Variants in TESMIN observed in about 807,000 individuals in gnomAD.
The protein encoded by TESMIN is CXC domain containing 2.
Under a neutral mutation model 47.4 loss-of-function variants are expected in TESMIN, and 34 were observed. That is an observed-to-expected ratio of 0.72 (90% CI 0.55 to 0.96). The LOEUF (loss-of-function observed/expected upper bound fraction) is 0.96, where lower values mean the gene tolerates loss of function less well. TESMIN is among the 40% of genes least tolerant of loss of function. The pLI is 0.00. For missense variants in TESMIN, 610 were observed against 637.2 expected, an observed-to-expected ratio of 0.96 and a Z score of 0.46; for synonymous variants, 278 against 258.9, an observed-to-expected ratio of 1.07 and a Z score of -0.71.
At position 68,742,341 on chromosome 11, in the gene TESMIN, T is replaced by G; in HGVS notation, c.805A>C (p.Lys269Gln). ...ACTTGTTGTGTAATGAGATTTAATT[T>G]TGTTGATGCTGGCAAAAATCTCCCT... ...LVGRFLPAST[K>Q]LNLITQQLEG... The change falls in exon 5 of 10, where the codon AAA becomes CAA. Residue 269 changes from lysine to glutamine, a missense_variant. Lys to Gln is a moderately conservative substitution (Grantham distance 53). Transcript: ENST00000255087. The G allele has an allele frequency of 6.2e-7, 1 of 1,601,220 alleles. No individual in the cohort carries two copies. Among genetic ancestry groups the G allele is most frequent in the South Asian group, 1.1e-5 (1 of 89,504 alleles).
At chr11:68,720,195 ACTT>A (rs1946189061) in intron 6 of TESMIN, among the ~76,000 whole-genome samples, 1 of 152,068 alleles carries the variant, frequency 6.6e-6, no homozygotes, top group Admixed American at 6.6e-5. Context: ...GGCTAGGCAC[ACTT>A]CTTTTTTTCA....
At chr11:68,709,978 C>T (rs930395589) in intron 9 of TESMIN, among the ~76,000 whole-genome samples, 3 of 152,102 alleles carry the variant, frequency 2.0e-5, no homozygotes, top group South Asian at 2.1e-4. Flanking sequence ...ACCAATATGG[C>T]GAGACCCCAT....
At chr11:68,705,679 A>G (rs903885844), downstream of TESMIN, among the ~76,000 whole-genome samples, 7 of 152,242 alleles carry the variant, frequency 4.6e-5, no homozygotes, top group African/African-American at 1.4e-4. Context: ...CAGATAATCT[A>G]ACCTTAATCA....
chr11:68,739,894 T>A (rs983662004), intron 5 of TESMIN, among the ~76,000 whole-genome samples: 13 of 152,204 alleles, frequency 8.5e-5, no homozygotes, highest in Non-Finnish European at 1.9e-4. Flanking sequence ...GGAGAAAGGA[T>A]GTCATAGTTC....
intron 4 of TESMIN, 55 bp from the exon 5 acceptor site, chr11:68,742,449 TAC>T (rs1176222702): frequency 1.5e-5 from 17 of 1,157,654 alleles, no homozygotes; most frequent in Non-Finnish European, 1.9e-5. Context: ...CTCTTCCACT[TAC>T]ACGTGGATGA....
intron 5 of TESMIN, among the ~76,000 whole-genome samples, chr11:68,741,067 C>A (rs1022497945): frequency 1.3e-5 from 2 of 152,128 alleles, no homozygotes; most frequent in African/African-American, 4.8e-5. Context: ...CAAAGTATCC[C>A]TAGAAGCTAT....
rs976170338 is a variant in TESMIN, at chr11:68,715,751, T to C, written c.1020+86A>G. On this transcript the variant is annotated intron_variant, in intron 7 of 9. Coordinates refer to ENST00000255087, the MANE Select transcript of TESMIN (RefSeq NM_004923.3). ...CTTCAAAACTGTGGGTTTTTTCCAA[T>C]GAGGAATCTCTGAAGGTGATTTTAT... 8.2e-6 allele frequency: 8 copies of C among 979,964 alleles called. No homozygotes were observed. In the African/African-American group the frequency reaches 9.8e-5, roughly 12 times the overall value. 60.7% of individuals were successfully genotyped at this position (979,964 alleles called of 1,614,324 possible).
intron 7 of TESMIN, among the ~76,000 whole-genome samples, 172 bp from the exon 8 acceptor site, chr11:68,713,579 T>C (rs1041696276): frequency 2.0e-5 from 3 of 152,216 alleles, no homozygotes; most frequent in African/African-American, 7.2e-5. Flanking sequence ...TTTGTTTCCA[T>C]ACACAAAAAG....
intron 4 of TESMIN, among the ~76,000 whole-genome samples, chr11:68,743,021 G>A (rs1378919767): frequency 6.6e-6 from 1 of 151,970 alleles, no homozygotes; most frequent in Non-Finnish European, 1.5e-5. Context: ...GAGACTACAG[G>A]CCTGTGCCAC....
intron 6 of TESMIN, among the ~76,000 whole-genome samples, chr11:68,735,150 T>C (rs1946372632): frequency 6.6e-6 from 1 of 152,236 alleles, no homozygotes; most frequent in Non-Finnish European, 1.5e-5. Flanking sequence ...TTACAGCTTT[T>C]TGCCCTCATG....
chr11:68,730,565 C>T (rs560276255), intron 6 of TESMIN, among the ~76,000 whole-genome samples: 19 of 152,238 alleles, frequency 1.2e-4, no homozygotes, highest in African/African-American at 4.1e-4. Flanking sequence ...GATGCCATGG[C>T]GGGCAGATCA....
chr11:68,738,439 C>T (rs1946413676), intron 6 of TESMIN: 1 of 1,229,690 alleles, frequency 8.1e-7, no homozygotes, highest in Non-Finnish European at 1.0e-6. Context: ...GCCTCAGAAA[C>T]ACCAACATAG....
At chr11:68,750,165 T>C in intron 2 of TESMIN, 25 bp downstream of exon 2, 1 of 1,438,378 alleles carries the variant, frequency 7.0e-7, no homozygotes, top group Non-Finnish European at 9.1e-7. Context: ...GGGGGAGCTG[T>C]GCCCATTCCC....
rs1466882382 is a variant in TESMIN at position 68,750,420 on chromosome 11, C to T, written c.241G>A (p.Ala81Thr). 6.5e-7 allele frequency: 1 copy of T among 1,545,172 alleles called. No homozygotes were observed. The highest frequency in any genetic ancestry group is 2.4e-5 in the East Asian group (1 of 41,354). The change falls in exon 2 of 10, where the codon GCG (alanine) becomes ACG (threonine). Residue 81 changes from alanine (A) to threonine (T), a missense_variant. Physicochemically the swap from Ala to Thr is moderately conservative, Grantham distance 58. Coordinates refer to ENST00000255087, the MANE Select transcript of TESMIN (RefSeq NM_004923.3). Reference sequence around the variant, plus strand: ...TCGCTGTCGCCCCCCGCGAGCTTCGCCTTGACCTGGCCCTTGCAGTCGGCG... The same window carrying T: ...TCGCTGTCGCCCCCCGCGAGCTTCGTCTTGACCTGGCCCTTGCAGTCGGCG... ...LGADCKGQVK[A>T]KLAGGDSDGG... is the part of the protein sequence containing the mutation.
intron 6 of TESMIN, among the ~76,000 whole-genome samples, chr11:68,735,366 G>A (rs1298984499): frequency 3.3e-5 from 5 of 152,200 alleles, no homozygotes; most frequent in African/African-American, 9.6e-5. Flanking sequence ...AGGAAGTGGT[G>A]TGGGGGCTTG....
At chr11:68,720,584 C>T (rs1193260351) in intron 6 of TESMIN, among the ~76,000 whole-genome samples, 1 of 152,112 alleles carries the variant, frequency 6.6e-6, no homozygotes, top group Non-Finnish European at 1.5e-5. Flanking sequence ...GCGTGTCCAC[C>T]CCTTCACCCA....
At chr11:68,737,389 G>A (rs922391312) in intron 6 of TESMIN, 5 of 985,388 alleles carry the variant, frequency 5.1e-6, no homozygotes, top group East Asian at 1.1e-4. Context: ...GCCCTTCAGC[G>A]ACCATGAGGG....
At chr11:68,736,965 G>C in intron 6 of TESMIN, 1 of 985,440 alleles carries the variant, frequency 1.0e-6, no homozygotes, top group Non-Finnish European at 1.2e-6. Context: ...GCTGCAACTG[G>C]GAGAGCACGC....
chr11:68,747,268 T>C lies in TESMIN; in HGVS notation c.570A>G (p.Pro190=), dbSNP rs932147903. The change falls in exon 3 of 10, where the codon CCA becomes CCG. Residue 190 remains proline (P), a synonymous_variant. Transcript: ENST00000255087. ...LLAQESCCKF[P]SSQELEDASC... ...AGGCATCCTCTAGTTCCTGGGACGA[T>C]GGGAACTTGCAACAGGATTCCTGAG... 1.9e-6 allele frequency: 3 copies of C among 1,614,004 alleles called. No homozygotes were observed. Among genetic ancestry groups the C allele is most frequent in the African/African-American group, 2.7e-5 (2 of 74,922 alleles).
Sources: allele counts gnomAD v4.1 joint callset (sites outside exome capture counted in the v4.1 genomes callset), GRCh38; gene constraint gnomAD v4.1.1; transcripts MANE v1.5; gene names NCBI Gene and HGNC (gene_info 2026-07-23, HGNC 2026-07-21).